The following NELL1 variants were observed in gnomAD, a reference collection of about 807,000 sequenced individuals.
NELL1 encodes protein kinase C-binding protein NELL1.
In NELL1, 76 loss-of-function variants were observed where a neutral mutation model predicts 107.4. The ratio of observed to expected loss-of-function variants is 0.71; its 90% CI spans 0.59 to 0.86. The LOEUF is 0.86. Among genes scored for constraint, NELL1 ranks in the 40% least tolerant of loss-of-function variants. NELL1 has a pLI of 0.00. For missense variants in NELL1, 1,024 were observed against 1,005.5 expected (o/e 1.02, Z -0.25); for synonymous variants, 353 against 341.2 (o/e 1.03, Z -0.38).
At chr11:21,142,253 G>A (rs1855885221) in intron 13 of NELL1, among the ~76,000 whole-genome samples, 1 of 152,174 alleles carries the variant, frequency 6.6e-6, no homozygotes, top group Non-Finnish European at 1.5e-5. Context: ...CAAGAAACAT[G>A]CCTTGGTGGT....
At chr11:20,821,186 G>C (rs940385711) in intron 3 of NELL1, among the ~76,000 whole-genome samples, 4 of 152,156 alleles carry the variant, frequency 2.6e-5, no homozygotes, top group Admixed American at 2.6e-4. Context: ...TGCAGAGGTA[G>C]GTGGAGGGAG....
At chr11:20,969,591 A>G (rs1325899693) in intron 12 of NELL1, among the ~76,000 whole-genome samples, 2 of 152,010 alleles carry the variant, frequency 1.3e-5, no homozygotes, top group African/African-American at 2.4e-5. Context: ...CTATCCTCAA[A>G]TATTTCTGTT....
At chr11:20,723,327 A>C (rs1011457549) in intron 2 of NELL1, among the ~76,000 whole-genome samples, 1 of 152,162 alleles carries the variant, frequency 6.6e-6, no homozygotes, top group African/African-American at 2.4e-5. Context: ...ATAAAAAACA[A>C]ATTAGTTACT....
intron 13 of NELL1, among the ~76,000 whole-genome samples, chr11:21,226,038 C>T (rs77255232): frequency 0.011 from 1,616 of 152,220 alleles, 28 homozygotes; most frequent in African/African-American, 0.037. Flanking sequence ...TATGCCAGTC[C>T]GTCTTTCGCA....
chr11:21,134,720 A>G (rs1423314029), intron 13 of NELL1, among the ~76,000 whole-genome samples: 1 of 152,186 alleles, frequency 6.6e-6, no homozygotes, highest in East Asian at 1.9e-4. Context: ...CACAGTTTTA[A>G]GTATCATTTG....
intron 15 of NELL1, among the ~76,000 whole-genome samples, chr11:21,517,298 C>A (rs1188443175): frequency 6.6e-6 from 1 of 152,088 alleles, no homozygotes. Context: ...CCCTGCACAG[C>A]GTTGGTCTAA....
intron 2 of NELL1, among the ~76,000 whole-genome samples, chr11:20,778,463 TCTTTC>T (rs138779813): frequency 0.26 from 39,008 of 147,258 alleles, 6,357 homozygotes; most frequent in African/African-American, 0.45. Flanking sequence ...TCATTTAATT[TCTTTC>T]CTTCTCCAAT....
chr11:21,457,861 G>A (rs1356486852), intron 15 of NELL1, among the ~76,000 whole-genome samples: 2 of 152,194 alleles, frequency 1.3e-5, no homozygotes, highest in Non-Finnish European at 2.9e-5. Context: ...GCCAAAGAAA[G>A]TGAGAATTTC....
At chr11:21,125,871 T>A (rs1855475794) in intron 13 of NELL1, among the ~76,000 whole-genome samples, 1 of 152,214 alleles carries the variant, frequency 6.6e-6, no homozygotes, top group Non-Finnish European at 1.5e-5. Flanking sequence ...CAGCCAGGCC[T>A]GGGTTTCTGC....
At chr11:21,271,709 G>C (rs1174317179) in intron 14 of NELL1, among the ~76,000 whole-genome samples, 2 of 152,050 alleles carry the variant, frequency 1.3e-5, no homozygotes, top group Non-Finnish European at 2.9e-5. Flanking sequence ...CATGAACATA[G>C]ATGCAAAAAT....
intron 2 of NELL1, among the ~76,000 whole-genome samples, chr11:20,706,536 G>A (rs1854962618): frequency 7.3e-6 from 1 of 136,336 alleles, no homozygotes; most frequent in Non-Finnish European, 1.6e-5. Context: ...GGGGGGAGGG[G>A]GGAGGGATAG....
intron 2 of NELL1, among the ~76,000 whole-genome samples, chr11:20,728,521 A>C (rs1056324158): frequency 1.3e-5 from 2 of 151,996 alleles, no homozygotes; most frequent in East Asian, 1.9e-4. Flanking sequence ...TTCATTCTGC[A>C]TGTGGCTAGT....
intron 14 of NELL1, among the ~76,000 whole-genome samples, chr11:21,325,697 G>T (rs1024631217): frequency 6.6e-6 from 1 of 151,916 alleles, no homozygotes; most frequent in African/African-American, 2.4e-5. Context: ...GCTATGAAAA[G>T]TGTATTCAAT....
chr11:20,998,135 T>G (rs1294617493), intron 12 of NELL1, among the ~76,000 whole-genome samples: 1 of 152,222 alleles, frequency 6.6e-6, no homozygotes, highest in Non-Finnish European at 1.5e-5. Context: ...TTAGAATATT[T>G]TAAAAATTAT....
chr11:20,961,813 A>C (rs1399240481), intron 12 of NELL1, among the ~76,000 whole-genome samples: 2 of 151,540 alleles, frequency 1.3e-5, no homozygotes, highest in Non-Finnish European at 2.9e-5. Context: ...TTGGGTATAC[A>C]CAGGGGCCTA....
chr11:21,476,438 G>A (rs1357630100), intron 15 of NELL1, among the ~76,000 whole-genome samples: 1 of 152,152 alleles, frequency 6.6e-6, no homozygotes, highest in Non-Finnish European at 1.5e-5. Context: ...ACTGGATGGA[G>A]TACAAGGAAT....
intron 2 of NELL1, among the ~76,000 whole-genome samples, chr11:20,707,912 G>A (rs1022272536): frequency 1.7e-4 from 26 of 152,236 alleles, no homozygotes; most frequent in African/African-American, 6.3e-4. Context: ...ACTTTCTGCT[G>A]CCTTTTCTTC....
intron 1 of NELL1, among the ~76,000 whole-genome samples, chr11:20,675,897 G>A (rs1241153981): frequency 6.6e-6 from 1 of 151,902 alleles, no homozygotes; most frequent in South Asian, 2.1e-4. Context: ...ATAGGTGTAC[G>A]CCACCATGCC....
chr11:20,978,275 C>T (rs1041953047), intron 12 of NELL1, among the ~76,000 whole-genome samples: 9 of 152,118 alleles, frequency 5.9e-5, no homozygotes, highest in African/African-American at 2.2e-4. Flanking sequence ...GCCAGTATTT[C>T]CTCAGCATGT....
Sources: allele counts gnomAD v4.1 joint callset (sites outside exome capture counted in the v4.1 genomes callset), GRCh38; gene constraint gnomAD v4.1.1; transcripts MANE v1.5; gene names NCBI Gene and HGNC (gene_info 2026-07-23, HGNC 2026-07-21).